IQSEC1: variants seen among roughly 807,000 people sequenced by gnomAD.
IQSEC1 encodes IQ motif and Sec7 domain ArfGEF 1.
IQSEC1 carries 31 observed loss-of-function variants against 91.0 expected under a neutral mutation model. That is an observed-to-expected ratio of 0.34 (90% confidence interval 0.26 to 0.46). The LOEUF is 0.46. Among genes scored for constraint, IQSEC1 ranks in the 20% least tolerant of loss-of-function variants. The probability of loss-of-function intolerance (pLI) is 1.00; values close to 1 mark genes in which losing one functional copy is unlikely to be tolerated. For synonymous variants in IQSEC1, 699 were observed against 662.6 expected, an observed-to-expected ratio of 1.05 and a Z score of -0.84; for missense variants, 1,388 against 1,575.6, an observed-to-expected ratio of 0.88 and a Z score of 2.02.
At chr3:13,230,643 G>C (rs1005889993) in intron 1 of IQSEC1, among the ~76,000 whole-genome samples, 1 of 151,990 alleles carries the variant, frequency 6.6e-6, no homozygotes, top group African/African-American at 2.4e-5. Context: ...ACCTGTTATA[G>C]TTCTTCAAAG....
chr3:12,910,389 C>T (rs949967530), intron 10 of IQSEC1, among the ~76,000 whole-genome samples: 4 of 152,270 alleles, frequency 2.6e-5, no homozygotes, highest in East Asian at 3.9e-4. Context: ...CACAGTGGTC[C>T]TGGCCCCCTG....
intron 1 of IQSEC1, among the ~76,000 whole-genome samples, chr3:12,969,359 G>A (rs754193325): frequency 6.6e-6 from 1 of 152,176 alleles, no homozygotes; most frequent in Non-Finnish European, 1.5e-5. Context: ...TTAGGGAACT[G>A]TAAATCAAGA....
chr3:13,024,595 C>CCCAT (rs374522515), intron 1 of IQSEC1, among the ~76,000 whole-genome samples: 5 of 151,120 alleles, frequency 3.3e-5, no homozygotes. Context: ...CATCCACCCA[C>CCCAT]CCATCCATCC....
At chr3:12,945,157 G>C (rs1282623222) in intron 1 of IQSEC1, among the ~76,000 whole-genome samples, 2 of 152,204 alleles carry the variant, frequency 1.3e-5, no homozygotes, top group African/African-American at 4.8e-5. Flanking sequence ...GGGAGTGCCT[G>C]GCGCTGGTAG....
Position 13,095,516 on chromosome 3 carries a change from G to A in IQSEC1, c.303-47994C>T, listed in dbSNP as rs184310221. 2.9e-3 allele frequency among the ~76,000 whole-genome samples: 437 copies of A among 152,158 alleles called. 3 individuals carry two copies. The South Asian group carries it at 0.03, about 10-fold the overall frequency. On this transcript the variant is annotated intron_variant, in intron 2 of 15. Coordinates refer to the IQSEC1 transcript ENST00000648114. ...GTTTCCTACTTAATGCATACCCAGC[G>A]CCTCCTCAGAGGCCGAGTTGCTTCC...
intron 1 of IQSEC1, among the ~76,000 whole-genome samples, chr3:13,228,947 C>G (rs1185992991): frequency 6.6e-6 from 1 of 152,220 alleles, no homozygotes; most frequent in East Asian, 1.9e-4. Context: ...AGGACAATCT[C>G]TCATTGGTCT....
intron 1 of IQSEC1, among the ~76,000 whole-genome samples, chr3:13,179,562 G>A (rs768579989): frequency 3.3e-5 from 5 of 152,236 alleles, no homozygotes; most frequent in Non-Finnish European, 7.3e-5. Flanking sequence ...GCACTTAACA[G>A]AGCTTCAAAA....
intron 2 of IQSEC1, among the ~76,000 whole-genome samples, chr3:13,149,400 C>T (rs12714881): frequency 0.57 from 81,537 of 142,262 alleles, 22,773 homozygotes; most frequent in Middle Eastern, 0.61. Flanking sequence ...GAAGCACAGA[C>T]AGGGTGAGTG....
In IQSEC1 at chr3:12,967,235, C is replaced by T; in HGVS notation, c.24-25370G>A. The T allele has an allele frequency of 1.6e-6, 1 of 629,670 alleles. No individual in the cohort carries two copies. The highest frequency in any genetic ancestry group is 2.6e-6 in the Non-Finnish European group (1 of 380,070). The allele number at this position is 629,670 out of a possible 1,614,324, so 39.0% of individuals were successfully genotyped here. A position where few individuals can be genotyped will look rare whatever the true frequency, so the allele number is the denominator to read the frequency against. ...TCTCTCACCCAAACCCACAGTCTGG[C>T]GGACGCACCCCGCCCCGCAGGCAGC... On this transcript the variant is annotated intron_variant, in intron 1 of 13. Coordinates refer to ENST00000613206, the MANE Select transcript of IQSEC1 (RefSeq NM_001134382.3). The surrounding 1 kb of genome is among the most constrained non-coding windows in gnomAD (Gnocchi z 5.9).
rs1359487762 is a variant in IQSEC1 at position 12,967,196 on chromosome 3, G to A, written c.24-25331C>T. On this transcript the variant is annotated intron_variant, in intron 1 of 13. Coordinates refer to ENST00000613206, the MANE Select transcript of IQSEC1 (RefSeq NM_001134382.3). This position sits in a 1 kb window ranked among gnomAD's most constrained non-coding sequence, Gnocchi z 5.9. ...CTCTCTCTCCCACGCACAAACTCGG[G>A]TCCTGTTTGCTCTTCTCTCACCCAA... Among the ~76,000 whole-genome samples, 2 of 152,142 alleles carry A rather than the reference G, an allele frequency of 1.3e-5. No homozygotes were observed. Among genetic ancestry groups the A allele is most frequent in the Non-Finnish European group, 2.9e-5 (2 of 68,034 alleles).
intron 1 of IQSEC1, among the ~76,000 whole-genome samples, chr3:13,230,463 G>A (rs79892857): frequency 8.5e-5 from 13 of 152,122 alleles, no homozygotes; most frequent in African/African-American, 3.1e-4. Context: ...TTGTTTTTTG[G>A]CCCTCTAGAA....
Position 13,008,764 on chromosome 3 carries a change from A to G in IQSEC1, c.23+64228T>C, listed in dbSNP as rs1169166335. ...TAGTTGGTCGAGTTACTGATAGAACAACGCTCTTGATCCGGCTCCAGGGCA... is the reference window on the plus strand; with the variant it reads ...TAGTTGGTCGAGTTACTGATAGAACGACGCTCTTGATCCGGCTCCAGGGCA... On this transcript the variant is annotated intron_variant, in intron 1 of 13. Transcript: ENST00000613206. This position sits in a 1 kb window ranked among gnomAD's most constrained non-coding sequence, Gnocchi z 4.1. Among the ~76,000 whole-genome samples, 2 of 152,118 alleles carry G rather than the reference A, an allele frequency of 1.3e-5. No individual in the cohort carries two copies. The highest frequency in any genetic ancestry group is 3.9e-4 in the East Asian group (2 of 5,188).
chr3:13,160,475 A>G (rs903579375), intron 2 of IQSEC1, among the ~76,000 whole-genome samples: 3 of 152,154 alleles, frequency 2.0e-5, no homozygotes, highest in African/African-American at 7.2e-5. Flanking sequence ...TGTGTCCTTA[A>G]TATTTAGCAC....
chr3:13,092,621 G>A (rs897364977), intron 2 of IQSEC1, among the ~76,000 whole-genome samples: 1 of 152,158 alleles, frequency 6.6e-6, no homozygotes, highest in African/African-American at 2.4e-5. Context: ...TAAGCCAAGA[G>A]CTAAATAATG....
At position 13,210,638 on chromosome 3, in the gene IQSEC1, A is replaced by G. The variant is rs563222750; in HGVS notation, c.273-46505T>C. Among the ~76,000 whole-genome samples the G allele has an allele frequency of 1.1e-4, 16 of 152,254 alleles. No homozygotes were observed. In the East Asian group the frequency reaches 1.7e-3, roughly 17 times the overall value. The stretch of plus-strand genomic sequence containing the variant: ...GCCCGTGGAAACTGCAGGCAGACAC[A>G]TGCCACAGCCACTGGAGTCCACTAA... On this transcript the variant is annotated intron_variant, in intron 1 of 15. Transcript: ENST00000648114.
intron 1 of IQSEC1, among the ~76,000 whole-genome samples, chr3:13,029,378 C>CATG (rs1265414425): frequency 1.3e-5 from 2 of 152,190 alleles, no homozygotes; most frequent in Non-Finnish European, 2.9e-5. Context: ...ACAGATAGAA[C>CATG]ATGGCAGGGT....
intron 1 of IQSEC1, among the ~76,000 whole-genome samples, chr3:13,183,802 G>T (rs1170748237): frequency 1.3e-5 from 2 of 152,126 alleles, no homozygotes; most frequent in African/African-American, 4.8e-5. Flanking sequence ...GCTATAGTTT[G>T]CTGACCCATG....
At chr3:12,907,344 A>AAGGTGGGGC (rs1048072370) in intron 12 of IQSEC1, among the ~76,000 whole-genome samples, 3 of 152,190 alleles carry the variant, frequency 2.0e-5, no homozygotes, top group African/African-American at 4.8e-5. Context: ...AGGGAGTCCT[A>AAGGTGGGGC]AGGTGGGGCA....
intron 1 of IQSEC1, among the ~76,000 whole-genome samples, chr3:12,949,842 G>A (rs1699422029): frequency 6.6e-6 from 1 of 152,230 alleles, no homozygotes; most frequent in South Asian, 2.1e-4. Flanking sequence ...ACCCCTGCCA[G>A]GTCTCTGCAG....
Sources: gnomAD v4.1 joint callset for allele counts (sites outside exome capture counted in the v4.1 genomes callset) on GRCh38, gnomAD v4.1.1 for gene constraint, Gnocchi (gnomAD v3.1) non-coding constraint, MANE v1.5 for transcripts, NCBI Gene and HGNC (gene_info 2026-07-23, HGNC 2026-07-21) for gene names.